The following HDAC9 variants were observed in gnomAD, a reference collection of about 807,000 sequenced individuals.
HDAC9 encodes the protein MEF-2 interacting transcription repressor (MITR) protein.
In HDAC9, 41 loss-of-function variants were observed where a neutral mutation model predicts 139.4. The ratio of observed to expected loss-of-function variants is 0.29; its 90% CI spans 0.23 to 0.38. The LOEUF (loss-of-function observed/expected upper bound fraction) is 0.38. Among genes scored for constraint, HDAC9 ranks in the 10% least tolerant of loss-of-function variants. The pLI is 1.00. For missense variants in HDAC9, 1,147 were observed against 1,297.0 expected (o/e 0.88, Z 1.78); for synonymous variants, 517 against 476.2 (o/e 1.09, Z -1.12).
At chr7:18,865,178 G>A (rs1007962198) in intron 21 of HDAC9, among the ~76,000 whole-genome samples, 3 of 152,154 alleles carry the variant, frequency 2.0e-5, no homozygotes, top group African/African-American at 7.2e-5. Flanking sequence ...GGTAGTATGG[G>A]CCCCTCTGAG....
chr7:18,666,099 A>T (rs938442686), intron 11 of HDAC9, 114 bp from the exon 12 acceptor site: 47 of 1,142,882 alleles, frequency 4.1e-5, no homozygotes, highest in Non-Finnish European at 5.4e-5. Flanking sequence ...TCTGAAATTT[A>T]TGTTCAATGA....
At position 18,753,597 on chromosome 7, in the gene HDAC9, T is replaced by G. The variant is rs117842938; in HGVS notation, c.2043+4459T>G. Among the ~76,000 whole-genome samples, 1,465 of 152,216 alleles carry G rather than the reference T, an allele frequency of 9.6e-3. 13 individuals are homozygous for G. Among genetic ancestry groups the G allele is most frequent in the Non-Finnish European group, 0.017 (1,141 of 67,996 alleles). ...ATAAAAAAATACATAATAGAAGAGA[T>G]AGCACTTTGAAAATGCTAAAAGGAT... On this transcript the variant is annotated intron_variant, in intron 14 of 25. Coordinates refer to ENST00000686413, the MANE Select transcript of HDAC9 (RefSeq NM_178425.4).
chr7:18,795,441 C>T (rs946885652), intron 17 of HDAC9, among the ~76,000 whole-genome samples: 3 of 152,032 alleles, frequency 2.0e-5, no homozygotes, highest in African/African-American at 7.3e-5. Flanking sequence ...ATCCATGGCA[C>T]TGGCATTTTG....
intron 17 of HDAC9, among the ~76,000 whole-genome samples, chr7:18,797,479 A>G (rs1377612968): frequency 6.6e-6 from 1 of 152,180 alleles, no homozygotes; most frequent in Non-Finnish European, 1.5e-5. Context: ...AAATTCTCTC[A>G]GTACTTATCT....
At chr7:18,970,015 C>T (rs769007915) in intron 24 of HDAC9, among the ~76,000 whole-genome samples, 4 of 152,118 alleles carry the variant, frequency 2.6e-5, no homozygotes, top group Non-Finnish European at 5.9e-5. Flanking sequence ...TACCAGGTAG[C>T]ACCATAGTTG....
At chr7:18,547,294 G>A (rs1163485884) in intron 2 of HDAC9, among the ~76,000 whole-genome samples, 2 of 152,094 alleles carry the variant, frequency 1.3e-5, no homozygotes, top group Non-Finnish European at 2.9e-5. Context: ...GGAGTGCAGT[G>A]GCACGATCTC....
chr7:18,506,759 G>GTA (rs1457335527), intron 2 of HDAC9, among the ~76,000 whole-genome samples: 2 of 151,966 alleles, frequency 1.3e-5, no homozygotes, highest in Non-Finnish European at 2.9e-5. Flanking sequence ...ATAAAATATA[G>GTA]CCATAAAAGA....
chr7:18,828,955 A>C (rs533121749), intron 17 of HDAC9, among the ~76,000 whole-genome samples: 1 of 152,300 alleles, frequency 6.6e-6, no homozygotes, highest in South Asian at 2.1e-4. Flanking sequence ...TTCTTTTGGG[A>C]CATGATCTGA....
Position 18,665,620 on chromosome 7 carries a change from T to A in HDAC9, c.1468-593T>A, listed in dbSNP as rs560187684. On this transcript the variant is annotated intron_variant, in intron 11 of 25. Transcript: ENST00000686413. ...AAAACATCTTATTGTTAATTTTTTT[T>A]AAATCATACACCTCTTTAAAGTTCA... 7.2e-4 allele frequency among the ~76,000 whole-genome samples: 109 copies of A among 152,274 alleles called. No individual in the cohort carries two copies. In the South Asian group the frequency reaches 0.018, roughly 25 times the overall value.
chr7:18,125,355 G>A (rs1037624935), intron 1 of HDAC9, among the ~76,000 whole-genome samples: 1 of 152,078 alleles, frequency 6.6e-6, no homozygotes, highest in Non-Finnish European at 1.5e-5. Flanking sequence ...CCTCTGTTGA[G>A]ACGCTGAGTT....
At position 18,566,978 on chromosome 7, in the gene HDAC9, A is replaced by ATCCC. The variant is rs1042478153; in HGVS notation, c.23-18301_23-18300insCCTC. On this transcript the variant is annotated intron_variant, in intron 2 of 25. Transcript: ENST00000686413. ...AAACCTTCCCTCAGGTCCTGAGGTT[A>ATCCC]TCAGGTCAAGTGTGTCGCAAGGCCT... 7.2e-5 allele frequency among the ~76,000 whole-genome samples: 11 copies of ATCCC among 152,276 alleles called. No homozygotes were observed. In the Middle Eastern group the frequency reaches 0.014, roughly 188 times the overall value.
At chr7:18,154,028 A>T (rs1786985986) in intron 1 of HDAC9, among the ~76,000 whole-genome samples, 2 of 152,224 alleles carry the variant, frequency 1.3e-5, no homozygotes, top group African/African-American at 4.8e-5. Context: ...GTCTATTGAA[A>T]TTCCCAAGCC....
chr7:18,300,514 T>G lies in HDAC9; in HGVS notation c.-42+9999T>G, dbSNP rs118058453. ...TTTTGAATAATGCCTAGTCTCTGCA[T>G]ATAAGTAAAAAAAAAAAGCAGTTTA... is the stretch of plus-strand genomic sequence containing the variant. On this transcript the variant is annotated intron_variant, in intron 1 of 3. Coordinates refer to the HDAC9 transcript ENST00000413509. 5.1e-4 allele frequency among the ~76,000 whole-genome samples: 78 copies of G among 151,888 alleles called. No individual in the cohort carries two copies. The East Asian group carries it at 0.014, about 27-fold the overall frequency.
intron 22 of HDAC9, among the ~76,000 whole-genome samples, chr7:18,931,832 A>G (rs73322158): frequency 0.052 from 7,938 of 152,176 alleles, 492 homozygotes; most frequent in African/African-American, 0.15. Context: ...GGTTGCCAGG[A>G]GTTGAGGGGC....
At chr7:18,422,364 G>T (rs1300759728) in intron 1 of HDAC9, among the ~76,000 whole-genome samples, 1 of 152,178 alleles carries the variant, frequency 6.6e-6, no homozygotes, top group East Asian at 1.9e-4. Context: ...CTAGCAATCA[G>T]CCAAGCAATA....
At chr7:18,257,756 C>G (rs920769513) in intron 2 of HDAC9, among the ~76,000 whole-genome samples, 6 of 152,170 alleles carry the variant, frequency 3.9e-5, no homozygotes, top group Non-Finnish European at 8.8e-5. Context: ...AACATCCTTA[C>G]AAGTAGATAG....
chr7:18,602,995 T>C (rs910728857), intron 6 of HDAC9, among the ~76,000 whole-genome samples: 2 of 152,092 alleles, frequency 1.3e-5, no homozygotes, highest in African/African-American at 2.4e-5. Flanking sequence ...GGAGCATACA[T>C]ATTAAGGATT....
Position 18,881,224 on chromosome 7 carries a change from A to C in HDAC9, c.2803+6628A>C, listed in dbSNP as rs141062487. Among the ~76,000 whole-genome samples, 339 of 152,270 alleles carry C rather than the reference A, an allele frequency of 2.2e-3. 2 individuals carry two copies. The highest frequency in any genetic ancestry group is 0.014 in the Middle Eastern group (4 of 294). On this transcript the variant is annotated intron_variant, in intron 22 of 25. Coordinates refer to ENST00000686413, the MANE Select transcript of HDAC9 (RefSeq NM_178425.4). ...CCAAGTGCCTCATGAAGTTTTATCT[A>C]ACTACAAGTTCTGAATAAGCACTTC...
chr7:18,676,104 A>C (rs1419169397), intron 12 of HDAC9, among the ~76,000 whole-genome samples: 1 of 151,964 alleles, frequency 6.6e-6, no homozygotes, highest in African/African-American at 2.4e-5. Flanking sequence ...TATTATCAGC[A>C]CCAAAACCAT....
Sources: gnomAD v4.1 joint callset for allele counts (sites outside exome capture counted in the v4.1 genomes callset) on GRCh38, gnomAD v4.1.1 for gene constraint, MANE v1.5 for transcripts, NCBI Gene and HGNC (gene_info 2026-07-23, HGNC 2026-07-21) for gene names.